FGF14: variants seen among roughly 807,000 people sequenced by gnomAD.
FGF14 encodes the protein fibroblast growth factor 14, also known as fibroblast growth factor homologous factor 4.
A neutral mutation model predicts 25.5 loss-of-function variants in FGF14; 5 were observed. The observed-to-expected ratio is 0.20, with a 90% CI of 0.10 to 0.41. The LOEUF is 0.41. Among genes scored for constraint, FGF14 ranks in the 10% least tolerant of loss-of-function variants. FGF14 has a pLI of 1.00. For missense variants in FGF14, 222 were observed against 320.1 expected (o/e 0.69, Z 2.34); for synonymous variants, 138 against 118.3 (o/e 1.17, Z -1.08).
rs970899765 is a variant in FGF14, at chr13:102,258,164, G to A, written c.208+143307C>T. Among the ~76,000 whole-genome samples, 15 of 152,194 alleles carry A rather than the reference G, an allele frequency of 9.9e-5. No individual in the cohort carries two copies. The East Asian group carries it at 2.9e-3, about 29-fold the overall frequency. On this transcript the variant is annotated intron_variant, in intron 1 of 4. Transcript: ENST00000376131. Reference sequence around the variant, plus strand: ...TTCTTCACTACCATGAGAAGAGTATGGGGAAGCTGCCCCCATGACTCAATT... The same window carrying A: ...TTCTTCACTACCATGAGAAGAGTATAGGGAAGCTGCCCCCATGACTCAATT...
rs1280122459 is a variant in FGF14, at chr13:101,720,127, A to G, written c.*2704T>C. The G allele has an allele frequency of 6.6e-6, 1 of 151,916 alleles. No homozygotes were observed. The highest frequency in any genetic ancestry group is 1.5e-5 in the Non-Finnish European group (1 of 67,906). 9.4% of individuals were successfully genotyped at this position (151,916 alleles called of 1,614,324 possible). ...CAAATGATATTAAACACAAACTACA[A>G]TGCAGACAGACAAACTCTTTGTATG... is the stretch of plus-strand genomic sequence containing the variant. On this transcript the variant is annotated 3_prime_UTR_variant, in exon 5 of 5. Coordinates refer to ENST00000376143, the MANE Select transcript of FGF14 (RefSeq NM_004115.4).
intron 1 of FGF14, among the ~76,000 whole-genome samples, chr13:102,111,777 C>CA (rs10602468): frequency 0.016 from 2,248 of 137,686 alleles, 32 homozygotes; most frequent in Non-Finnish European, 0.025. Flanking sequence ...AACCATCAAA[C>CA]AAAAAAAAAA....
rs559403104 is a variant in FGF14 at position 101,994,414 on chromosome 13, T to A, written c.209-119118A>T. Among the ~76,000 whole-genome samples, 7 of 152,154 alleles carry A rather than the reference T, an allele frequency of 4.6e-5. No individual in the cohort carries two copies. In the South Asian group the frequency reaches 1.4e-3, roughly 31 times the overall value. The stretch of plus-strand genomic sequence containing the variant: ...AACCTTTAAGGTGTCTTTTGAAAAA[T>A]CTCAAGGCTTATGGGAGGACTTATT... On this transcript the variant is annotated intron_variant, in intron 1 of 4. Transcript: ENST00000376131.
At chr13:101,952,586 A>T (rs2036241097) in intron 1 of FGF14, among the ~76,000 whole-genome samples, 1 of 152,218 alleles carries the variant, frequency 6.6e-6, no homozygotes, top group South Asian at 2.1e-4. Context: ...AGGGCATCAC[A>T]TCAAGTACCT....
intron 1 of FGF14, among the ~76,000 whole-genome samples, chr13:102,251,198 C>T (rs1157955210): frequency 1.3e-5 from 2 of 152,140 alleles, no homozygotes; most frequent in African/African-American, 4.8e-5. Context: ...GGTATGGTAT[C>T]TTTGTCTCTG....
chr13:101,930,111 T>A (rs2034648431), intron 1 of FGF14, among the ~76,000 whole-genome samples: 1 of 152,210 alleles, frequency 6.6e-6, no homozygotes, highest in African/African-American at 2.4e-5. Context: ...TTCTAATTCT[T>A]AAACATCAAA....
At chr13:102,301,012 ATT>A (rs2055023157) in intron 1 of FGF14, among the ~76,000 whole-genome samples, 1 of 152,098 alleles carries the variant, frequency 6.6e-6, no homozygotes, top group African/African-American at 2.4e-5. Context: ...TATAGAAATT[ATT>A]TTTAAAAGAA....
intron 3 of FGF14, among the ~76,000 whole-genome samples, chr13:101,755,358 G>A (rs909533067): frequency 1.3e-5 from 2 of 151,942 alleles, no homozygotes; most frequent in African/African-American, 4.8e-5. Context: ...AGAACCAGAG[G>A]CGAGGCATGG....
At chr13:102,064,778 ATT>A (rs1363051314) in intron 1 of FGF14, among the ~76,000 whole-genome samples, 2 of 151,924 alleles carry the variant, frequency 1.3e-5, no homozygotes, top group Admixed American at 1.3e-4. Flanking sequence ...AAGTGTGTAT[ATT>A]GTGTTAGGTT....
intron 1 of FGF14, among the ~76,000 whole-genome samples, chr13:102,164,166 A>G (rs1367735237): frequency 6.6e-6 from 1 of 152,154 alleles, no homozygotes; most frequent in Non-Finnish European, 1.5e-5. Flanking sequence ...ATGCCATAGG[A>G]CCACAGGACA....
At chr13:101,789,388 T>A (rs866393289) in intron 3 of FGF14, among the ~76,000 whole-genome samples, 2 of 152,134 alleles carry the variant, frequency 1.3e-5, no homozygotes, top group African/African-American at 4.8e-5. Flanking sequence ...CATGCCCCAG[T>A]TTCTGATCTC....
chr13:101,915,974 T>C (rs890638763), intron 1 of FGF14, among the ~76,000 whole-genome samples: 2 of 152,112 alleles, frequency 1.3e-5, no homozygotes, highest in African/African-American at 4.8e-5. Flanking sequence ...GATATCCACA[T>C]TTGTCCAAGG....
At chr13:102,360,196 A>T (rs1292072283) in intron 1 of FGF14, among the ~76,000 whole-genome samples, 2 of 152,210 alleles carry the variant, frequency 1.3e-5, no homozygotes, top group Non-Finnish European at 2.9e-5. Flanking sequence ...CTATGTGCAA[A>T]ATCCTCATTT....
chr13:101,744,818 C>T (rs1026933409), intron 3 of FGF14, among the ~76,000 whole-genome samples: 2 of 151,942 alleles, frequency 1.3e-5, no homozygotes, highest in East Asian at 1.9e-4. Context: ...TATGTTCATT[C>T]GGTTAGCATT....
chr13:101,850,719 T>G (rs1160573506), intron 3 of FGF14, among the ~76,000 whole-genome samples: 1 of 146,356 alleles, frequency 6.8e-6, no homozygotes, highest in African/African-American at 2.5e-5. Context: ...AATACATATA[T>G]AGAGAGAGAA....
chr13:101,898,001 C>A (rs971763474), intron 1 of FGF14, among the ~76,000 whole-genome samples: 5 of 148,360 alleles, frequency 3.4e-5, no homozygotes, highest in Non-Finnish European at 5.9e-5. Context: ...TTCAAGTGAT[C>A]CTCCCATCTC....
intron 1 of FGF14, among the ~76,000 whole-genome samples, chr13:101,926,726 T>G (rs749385204): frequency 1.5e-4 from 23 of 152,256 alleles, no homozygotes; most frequent in Non-Finnish European, 3.2e-4. Context: ...CTAAGGCTAT[T>G]GCCAAATGAA....
chr13:102,281,637 A>T (rs564215936), intron 1 of FGF14, among the ~76,000 whole-genome samples: 2 of 151,710 alleles, frequency 1.3e-5, no homozygotes, highest in African/African-American at 4.8e-5. Flanking sequence ...CTCACCTTGG[A>T]ATCTTTGACT....
At chr13:101,932,756 T>TAAAAAA (rs869271842) in intron 1 of FGF14, among the ~76,000 whole-genome samples, 1 of 98,580 alleles carries the variant, frequency 1.0e-5, no homozygotes, top group African/African-American at 4.1e-5. Flanking sequence ...AAAATTACAG[T>TAAAAAA]AAAAAAAAAA....
Sources: gnomAD v4.1 joint callset for allele counts (sites outside exome capture counted in the v4.1 genomes callset) on GRCh38, gnomAD v4.1.1 for gene constraint, MANE v1.5 for transcripts, NCBI Gene and HGNC (gene_info 2026-07-23, HGNC 2026-07-21) for gene names.